The following PARD3B variants were observed in gnomAD, a reference collection of about 807,000 sequenced individuals.
PARD3B encodes the protein par-3 family cell polarity regulator beta.
Under a neutral mutation model 130.2 loss-of-function variants are expected in PARD3B, and 103 were observed. The observed-to-expected ratio is 0.79, with a 90% CI of 0.67 to 0.93. The LOEUF (loss-of-function observed/expected upper bound fraction) is 0.93. Among genes scored for constraint, PARD3B ranks in the 40% least tolerant of loss-of-function variants. PARD3B has a pLI of 0.00. For missense variants in PARD3B, 1,609 were observed against 1,499.2 expected (o/e 1.07, Z -1.21); for synonymous variants, 583 against 553.2 (o/e 1.05, Z -0.76).
At position 205,173,314 on chromosome 2, in the gene PARD3B, C is replaced by T. The variant is rs556951475; in HGVS notation, c.1791+933C>T. Among the ~76,000 whole-genome samples, 11 of 152,284 alleles carry T rather than the reference C, an allele frequency of 7.2e-5. No individual in the cohort carries two copies. In the South Asian group the frequency reaches 1.9e-3, roughly 26 times the overall value. On this transcript the variant is annotated intron_variant, in intron 12 of 22. Transcript: ENST00000406610. ...ATCAAGAGTTAATGGTAGTGGGGCTCATTGTAGTTAAAAGCTTCAGCTCTG... is the reference window on the plus strand; with the variant it reads ...ATCAAGAGTTAATGGTAGTGGGGCTTATTGTAGTTAAAAGCTTCAGCTCTG...
Position 205,301,930 on chromosome 2 carries a change from AC to A in PARD3B, c.2630+230del, listed in dbSNP as rs1415706805. ...TAAGTTTGTTGTCAAAGAAAGGTCA[AC>A]ACTATGCCAGGCACGGTGGCTCATG... is the stretch of plus-strand genomic sequence containing the variant. On this transcript the variant is annotated intron_variant, in intron 18 of 22. Coordinates refer to ENST00000406610, the MANE Select transcript of PARD3B (RefSeq NM_001302769.2). The surrounding 1 kb of genome is among the most constrained non-coding windows in gnomAD (Gnocchi z 5.2). The A allele has an allele frequency of 5.2e-5, 38 of 732,620 alleles. No individual in the cohort carries two copies. Among genetic ancestry groups the A allele is most frequent in the Non-Finnish European group, 9.0e-5 (37 of 409,150 alleles). 45.4% of individuals were successfully genotyped at this position (732,620 alleles called of 1,614,324 possible).
intron 4 of PARD3B, among the ~76,000 whole-genome samples, chr2:205,079,407 G>T (rs896624587): frequency 6.6e-6 from 1 of 152,156 alleles, no homozygotes. Context: ...TTGGTGTCTG[G>T]TAAGGGATTC....
At chr2:204,776,743 G>A (rs887777962) in intron 2 of PARD3B, among the ~76,000 whole-genome samples, 11 of 152,048 alleles carry the variant, frequency 7.2e-5, no homozygotes, top group African/African-American at 2.4e-4. Context: ...TTGAACCAGA[G>A]GAATTCGGAT....
chr2:204,765,031 A>G (rs2041083335), intron 2 of PARD3B, among the ~76,000 whole-genome samples: 1 of 152,162 alleles, frequency 6.6e-6, no homozygotes. Flanking sequence ...ACTCTTAGAG[A>G]AAATAGTTAA....
intron 15 of PARD3B, among the ~76,000 whole-genome samples, chr2:205,198,161 G>A (rs943343423): frequency 6.6e-6 from 1 of 152,156 alleles, no homozygotes; most frequent in Non-Finnish European, 1.5e-5. Flanking sequence ...ACAAGATACT[G>A]TTTTTAGAGT....
intron 19 of PARD3B, among the ~76,000 whole-genome samples, chr2:205,419,748 T>A (rs1366462289): frequency 6.6e-6 from 1 of 152,170 alleles, no homozygotes; most frequent in Non-Finnish European, 1.5e-5. Context: ...TAAGAAATGC[T>A]TCCCAGTGCC....
chr2:204,994,675 T>A (rs1693991201), intron 3 of PARD3B, among the ~76,000 whole-genome samples: 1 of 151,678 alleles, frequency 6.6e-6, no homozygotes, highest in Non-Finnish European at 1.5e-5. Context: ...ATGTTGACAG[T>A]GGGGTGTTAA....
chr2:204,808,943 C>G (rs945496573), intron 2 of PARD3B, among the ~76,000 whole-genome samples: 2 of 152,000 alleles, frequency 1.3e-5, no homozygotes, highest in African/African-American at 2.4e-5. Flanking sequence ...TCACCAGCAC[C>G]TATTATTTTT....
intron 10 of PARD3B, among the ~76,000 whole-genome samples, chr2:205,154,176 C>A (rs1485685248): frequency 6.6e-6 from 1 of 152,000 alleles, no homozygotes; most frequent in Non-Finnish European, 1.5e-5. Context: ...CCAGAATCTA[C>A]AAAGAACTTA....
chr2:205,243,765 A>T (rs2039456081), intron 15 of PARD3B, among the ~76,000 whole-genome samples: 1 of 152,182 alleles, frequency 6.6e-6, no homozygotes, highest in South Asian at 2.1e-4. Context: ...TTCTCCATTT[A>T]TGAGGTGTAT....
At chr2:204,969,278 G>A (rs947165620) in intron 3 of PARD3B, among the ~76,000 whole-genome samples, 5 of 152,184 alleles carry the variant, frequency 3.3e-5, no homozygotes, top group African/African-American at 7.2e-5. Context: ...CTTGATTCTA[G>A]TTAATAAATA....
intron 4 of PARD3B, among the ~76,000 whole-genome samples, chr2:205,082,059 C>T (rs531394205): frequency 6.6e-6 from 1 of 151,902 alleles, no homozygotes; most frequent in Non-Finnish European, 1.5e-5. Context: ...GCTATAGAGC[C>T]CTTTAAGTTC....
At chr2:204,763,561 T>C (rs1024868) in intron 2 of PARD3B, among the ~76,000 whole-genome samples, 91,143 of 152,068 alleles carry the variant, frequency 0.6, 30,770 homozygotes, top group South Asian at 0.76. Context: ...AAAATTGATT[T>C]ATAAAAGATT....
intron 2 of PARD3B, among the ~76,000 whole-genome samples, chr2:204,764,059 T>A (rs1178416848): frequency 1.3e-5 from 2 of 151,982 alleles, no homozygotes; most frequent in Non-Finnish European, 2.9e-5. Flanking sequence ...AATTAAGGAG[T>A]GTGGACACTA....
chr2:205,437,610 C>T (rs1170691344), intron 19 of PARD3B, among the ~76,000 whole-genome samples: 2 of 152,090 alleles, frequency 1.3e-5, no homozygotes, highest in African/African-American at 2.4e-5. Flanking sequence ...TAGGGCCACA[C>T]TCAGCTAATG....
chr2:204,667,171 G>C (rs1365000778), intron 1 of PARD3B, among the ~76,000 whole-genome samples: 1 of 152,034 alleles, frequency 6.6e-6, no homozygotes, highest in Non-Finnish European at 1.5e-5. Flanking sequence ...AAAATTACTG[G>C]GGATATTTCT....
chr2:204,619,738 C>T (rs1397980754), intron 1 of PARD3B, among the ~76,000 whole-genome samples: 1 of 152,150 alleles, frequency 6.6e-6, no homozygotes, highest in African/African-American at 2.4e-5. Flanking sequence ...GACAAAGATA[C>T]AACTTCAGAC....
intron 2 of PARD3B, among the ~76,000 whole-genome samples, chr2:204,868,156 T>C (rs2125642124): frequency 6.6e-6 from 1 of 152,316 alleles, no homozygotes; most frequent in East Asian, 1.9e-4. Flanking sequence ...ACAAAGTAAG[T>C]CATGGCCAGT....
rs1048803244 is a variant in PARD3B, at chr2:204,943,964, C to T, written c.223-21188C>T. 2.0e-5 allele frequency among the ~76,000 whole-genome samples: 3 copies of T among 152,090 alleles called. No individual in the cohort carries two copies. The highest frequency in any genetic ancestry group is 1.9e-4 in the East Asian group (1 of 5,192). On this transcript the variant is annotated intron_variant, in intron 2 of 22. Transcript: ENST00000406610. This position sits in a 1 kb window ranked among gnomAD's most constrained non-coding sequence, Gnocchi z 4.2. ...AAAGTAGAAAAGGGGACTAAACATT[C>T]AAAATTACATCACCTCAGGGAAACT...
Sources: allele counts gnomAD v4.1 joint callset (sites outside exome capture counted in the v4.1 genomes callset), GRCh38; gene constraint gnomAD v4.1.1; non-coding constraint Gnocchi (gnomAD v3.1); transcripts MANE v1.5; gene names NCBI Gene and HGNC (gene_info 2026-07-23, HGNC 2026-07-21).